Variants in CHIC2 observed in about 807,000 individuals in gnomAD.
CHIC2 encodes cysteine rich hydrophobic domain 2, also known as cysteine-rich hydrophobic domain-containing protein 2.
Under a neutral mutation model 25.9 loss-of-function variants are expected in CHIC2, and 14 were observed. That is an observed-to-expected ratio of 0.54 (90% CI 0.36 to 0.85). The LOEUF (loss-of-function observed/expected upper bound fraction) is 0.85. Ranked by LOEUF, CHIC2 falls within the 40% of genes least tolerant of loss-of-function variation. The probability of loss-of-function intolerance (pLI) is 0.01; values close to 1 mark genes in which losing one functional copy is unlikely to be tolerated. For synonymous variants in CHIC2, 70 were observed against 72.0 expected (o/e 0.97, Z 0.14); for missense variants, 146 against 202.0 (o/e 0.72, Z 1.68).
intron 1 of CHIC2, among the ~76,000 whole-genome samples, chr4:54,053,519 C>A (rs1461697607): frequency 6.9e-6 from 1 of 144,134 alleles, no homozygotes; most frequent in East Asian, 2.1e-4. Flanking sequence ...TGCGTCACTG[C>A]ACTCCAGCCC....
chr4:54,090,733 G>A, the CHIC2 span, among the ~76,000 whole-genome samples: 1 of 152,092 alleles, frequency 6.6e-6, no homozygotes, highest in Non-Finnish European at 1.5e-5. Context: ...GAGAGAAGGT[G>A]GATTCACATC....
intron 5 of CHIC2, among the ~76,000 whole-genome samples, chr4:54,013,232 C>T (rs1025976360): frequency 1.3e-5 from 2 of 151,994 alleles, no homozygotes; most frequent in African/African-American, 2.4e-5. Flanking sequence ...AATTAAATCC[C>T]ATGCTGAGTA....
chr4:54,022,774 T>A (rs1715941869), intron 3 of CHIC2, among the ~76,000 whole-genome samples: 2 of 152,016 alleles, frequency 1.3e-5, no homozygotes, highest in African/African-American at 4.8e-5. Flanking sequence ...TAATCACCCT[T>A]ACCCCGCTCA....
At chr4:54,025,854 C>CAAAA (rs66736321) in intron 3 of CHIC2, among the ~76,000 whole-genome samples, 9 of 109,792 alleles carry the variant, frequency 8.2e-5, no homozygotes, top group South Asian at 2.9e-4. Flanking sequence ...GACCCTGTCT[C>CAAAA]AAAAAAAAAA....
In CHIC2 at chr4:54,064,461, A is replaced by T; in HGVS notation, c.-161T>A. On this transcript the variant is annotated 5_prime_UTR_variant, in exon 1 of 6. Transcript: ENST00000263921. This position sits in a 1 kb window ranked among gnomAD's most constrained non-coding sequence, Gnocchi z 4.2. ...TGTCTCGGCTCCGGCTACAGAGGGGATGGGGTCTGGACCGTCGCCGCCACC... is the reference window on the plus strand; with the variant it reads ...TGTCTCGGCTCCGGCTACAGAGGGGTTGGGGTCTGGACCGTCGCCGCCACC... The T allele has an allele frequency of 6.7e-7, 1 of 1,488,048 alleles. No homozygotes were observed. Among genetic ancestry groups the T allele is most frequent in the Non-Finnish European group, 8.9e-7 (1 of 1,126,444 alleles). 92.2% of individuals were successfully genotyped at this position (1,488,048 alleles called of 1,614,324 possible).
At chr4:54,023,133 A>G (rs1443838802) in intron 3 of CHIC2, among the ~76,000 whole-genome samples, 1 of 152,078 alleles carries the variant, frequency 6.6e-6, no homozygotes, top group Admixed American at 6.6e-5. Context: ...CCACCACGCT[A>G]GCTCTCCCTA....
intron 3 of CHIC2, among the ~76,000 whole-genome samples, chr4:54,044,327 C>T (rs562117303): frequency 6.6e-6 from 1 of 152,228 alleles, no homozygotes; most frequent in Non-Finnish European, 1.5e-5. Flanking sequence ...GAACTCTCCA[C>T]CCCAAATCAA....
intron 1 of CHIC2, among the ~76,000 whole-genome samples, chr4:54,050,119 G>A (rs755777980): frequency 4.6e-5 from 7 of 152,076 alleles, no homozygotes; most frequent in Non-Finnish European, 1.0e-4. Flanking sequence ...CACAACTACT[G>A]AGCACATTCC....
intron 1 of CHIC2, among the ~76,000 whole-genome samples, chr4:54,062,048 CTATCTCATTTAATCCT>C (rs1379501653): frequency 5.3e-5 from 8 of 152,244 alleles, no homozygotes; most frequent in African/African-American, 1.9e-4. Context: ...TTTTCATGTA[CTATCTCATTTAATCCT>C]TAATAATCTT....
chr4:54,053,678 C>T (rs531505505), intron 1 of CHIC2, among the ~76,000 whole-genome samples: 7 of 151,606 alleles, frequency 4.6e-5, no homozygotes, highest in Non-Finnish European at 7.4e-5. Context: ...AAGTATTCTG[C>T]AGTGTTATTT....
intron 3 of CHIC2, among the ~76,000 whole-genome samples, chr4:54,017,215 CAT>C (rs1251354333): frequency 5.9e-5 from 9 of 152,282 alleles, no homozygotes; most frequent in African/African-American, 2.2e-4. Flanking sequence ...CAAATCTAAT[CAT>C]ATAACAACCT....
intron 3 of CHIC2, among the ~76,000 whole-genome samples, chr4:54,046,149 A>G (rs371595418): frequency 1.3e-5 from 2 of 152,222 alleles, no homozygotes; most frequent in Admixed American, 6.5e-5. Context: ...GGAAATAAAA[A>G]AGGATACAAA....
chr4:54,039,146 G>C (rs1473956299), intron 3 of CHIC2, among the ~76,000 whole-genome samples: 1 of 151,910 alleles, frequency 6.6e-6, no homozygotes, highest in Non-Finnish European at 1.5e-5. Context: ...TAAAAGTAAA[G>C]AGATCACAGG....
chr4:54,028,753 T>A (rs746394693), intron 3 of CHIC2, among the ~76,000 whole-genome samples: 1 of 152,212 alleles, frequency 6.6e-6, no homozygotes, highest in Non-Finnish European at 1.5e-5. Flanking sequence ...AAGTTAAACA[T>A]CAGGAATTTA....
At chr4:54,082,776 T>C in the CHIC2 span, among the ~76,000 whole-genome samples, 1 of 152,170 alleles carries the variant, frequency 6.6e-6, no homozygotes, top group Non-Finnish European at 1.5e-5. Flanking sequence ...ATTATACAAG[T>C]CCTTAGAGGA....
chr4:54,018,125 A>G (rs1715796311), intron 3 of CHIC2, among the ~76,000 whole-genome samples: 1 of 152,158 alleles, frequency 6.6e-6, no homozygotes. Flanking sequence ...AAAGAGAACT[A>G]AAAGGGCCTC....
chr4:54,049,108 T>G lies in CHIC2; in HGVS notation c.177A>C (p.Val59=). 1 of 1,597,330 alleles carries G rather than the reference T, an allele frequency of 6.3e-7. No individual in the cohort carries two copies. The highest frequency in any genetic ancestry group is 8.5e-7 in the Non-Finnish European group (1 of 1,173,522). The change falls in exon 3 of 6, where the codon GTA becomes GTC. Residue 59 remains valine (V), a splice_region_variant and synonymous_variant. Coordinates refer to ENST00000263921, the MANE Select transcript of CHIC2 (RefSeq NM_012110.4). ...SEFPSSLTGK[V]APEEFKASIN... ...TGCTGGCTTTAAATTCTTCAGGAGC[T>G]ACCTAAAGAAAAATTTTAAGAAATA...
rs957685772 is a variant in CHIC2, at chr4:54,027,399, C to T, written c.331-13280G>A. Among the ~76,000 whole-genome samples the T allele has an allele frequency of 5.9e-5, 9 of 152,112 alleles. No homozygotes were observed. The South Asian group carries it at 1.2e-3, about 21-fold the overall frequency. On this transcript the variant is annotated intron_variant, in intron 3 of 5. Transcript: ENST00000263921. ...CTTTTATGATGAAAACTTAGTAATG[C>T]GGTTTAATTTTAATTAAAAACAAAT...
At chr4:54,013,511 G>A (rs895986100) in intron 5 of CHIC2, among the ~76,000 whole-genome samples, 1 of 152,080 alleles carries the variant, frequency 6.6e-6, no homozygotes, top group South Asian at 2.1e-4. Context: ...AGCCATATCT[G>A]ACTTGCTGCG....
Sources: gnomAD v4.1 joint callset for allele counts (sites outside exome capture counted in the v4.1 genomes callset) on GRCh38, gnomAD v4.1.1 for gene constraint, Gnocchi (gnomAD v3.1) non-coding constraint, MANE v1.5 for transcripts, NCBI Gene and HGNC (gene_info 2026-07-23, HGNC 2026-07-21) for gene names.